The following MYOF variants were observed in gnomAD, a reference collection of about 807,000 sequenced individuals.
MYOF encodes fer-1-like 3, myoferlin.
In MYOF, 244 loss-of-function variants were observed where a neutral mutation model predicts 284.2. The observed-to-expected ratio is 0.86, with a 90% CI of 0.77 to 0.95. MYOF has a LOEUF of 0.95. Ranked by LOEUF, MYOF falls within the 40% of genes least tolerant of loss-of-function variation. MYOF has a pLI of 0.00. For missense variants in MYOF, 2,496 were observed against 2,560.6 expected (o/e 0.97, Z 0.54); for synonymous variants, 904 against 919.7 (o/e 0.98, Z 0.31).
intron 48 of MYOF, among the ~76,000 whole-genome samples, chr10:93,322,645 C>T (rs1842891480): frequency 6.6e-6 from 1 of 152,166 alleles, no homozygotes; most frequent in South Asian, 2.1e-4. Context: ...GCGAACATTT[C>T]CTCTTTTCCA....
At chr10:93,436,644 T>G (rs886232065) in intron 3 of MYOF, among the ~76,000 whole-genome samples, 1 of 152,204 alleles carries the variant, frequency 6.6e-6, no homozygotes, top group Admixed American at 6.5e-5. Flanking sequence ...TGGATAAGTC[T>G]GAGCTCTGCA....
chr10:93,374,632 T>C, intron 23 of MYOF, 131 bp downstream of exon 23: 1 of 890,814 alleles, frequency 1.1e-6, no homozygotes, highest in Non-Finnish European at 1.6e-6. Context: ...CCCTGATTTT[T>C]ACAATCTGTC....
In MYOF at chr10:93,446,735, C is replaced by CT. The variant is rs552922112; in HGVS notation, c.236+5314dup. Among the ~76,000 whole-genome samples the CT allele has an allele frequency of 8.5e-3, 1,236 of 145,542 alleles. 5 individuals are homozygous for CT. The highest frequency in any genetic ancestry group is 0.022 in the South Asian group (103 of 4,582). ...CAGAGTAACCACGTGCTCATTTGGT[C>CT]TTTTTTTTTTTTTCTCACTCCGTCA... On this transcript the variant is annotated intron_variant, in intron 3 of 53. Coordinates refer to ENST00000359263, the MANE Select transcript of MYOF (RefSeq NM_013451.4).
At chr10:93,440,687 A>G (rs1050929495) in intron 3 of MYOF, among the ~76,000 whole-genome samples, 1 of 152,200 alleles carries the variant, frequency 6.6e-6, no homozygotes, top group Admixed American at 6.5e-5. Context: ...CTGATACATC[A>G]TTGAAGATAG....
At position 93,339,702 on chromosome 10, in the gene MYOF, C is replaced by T. The variant is rs1481128070; in HGVS notation, c.4338+451G>A. Among the ~76,000 whole-genome samples, 3 of 151,058 alleles carry T rather than the reference C, an allele frequency of 2.0e-5. No individual in the cohort carries two copies. The East Asian group carries it at 5.9e-4, about 30-fold the overall frequency. On this transcript the variant is annotated intron_variant, in intron 39 of 53. Transcript: ENST00000359263. ...CAGGCTGATCTCGAACTCCTGGCCT[C>T]AAGTGATCTGCCTGCTTCAGCCTCC...
rs1488405872 is a variant in MYOF at position 93,337,681 on chromosome 10, G to C, written c.4437+134C>G. 3 of 672,474 alleles carry C rather than the reference G, an allele frequency of 4.5e-6. No homozygotes were observed. The African/African-American group carries it at 5.5e-5, about 12-fold the overall frequency. 41.7% of individuals were successfully genotyped at this position (672,474 alleles called of 1,614,324 possible). On this transcript the variant is annotated intron_variant, in intron 40 of 53. Transcript: ENST00000359263. Reference sequence around the variant, plus strand: ...GAAACTCATGCAAGAGGGCTCTCCGGGAAGACAGAGGTTTTCCTGGGCCCT... The same window carrying C: ...GAAACTCATGCAAGAGGGCTCTCCGCGAAGACAGAGGTTTTCCTGGGCCCT...
chr10:93,478,316 G>T (rs1051739213), intron 1 of MYOF: 5 of 214,038 alleles, frequency 2.3e-5, no homozygotes, highest in Non-Finnish European at 3.8e-5. Context: ...GGGCAGAATG[G>T]CCACCCCTGG....
chr10:93,418,491 A>T (rs895738698), intron 5 of MYOF, among the ~76,000 whole-genome samples: 1 of 152,232 alleles, frequency 6.6e-6, no homozygotes, highest in African/African-American at 2.4e-5. Context: ...TATGTAGACC[A>T]GAGCAAAGGT....
chr10:93,460,677 G>C (rs2056851512), intron 1 of MYOF, among the ~76,000 whole-genome samples: 2 of 148,742 alleles, frequency 1.3e-5, no homozygotes, highest in Non-Finnish European at 3.0e-5. Flanking sequence ...TGAGGCAGGA[G>C]AATTGCTTGA....
intron 21 of MYOF, among the ~76,000 whole-genome samples, chr10:93,378,193 G>T (rs1845928569): frequency 6.6e-6 from 1 of 152,214 alleles, no homozygotes; most frequent in Admixed American, 6.5e-5. Flanking sequence ...CAACAGAGAA[G>T]TTGAGGAAGA....
intron 44 of MYOF, 124 bp from the exon 45 acceptor site, chr10:93,329,035 A>C: frequency 1.1e-6 from 1 of 947,848 alleles, no homozygotes; most frequent in Non-Finnish European, 1.5e-6. Flanking sequence ...TCTGCGCTAC[A>C]CTCTGACTTT....
chr10:93,341,922 C>T (rs1383435760), intron 38 of MYOF: 87 of 1,289,638 alleles, frequency 6.7e-5, no homozygotes, highest in Middle Eastern at 2.1e-4. Flanking sequence ...CATGCACTGT[C>T]GCTGGAGAAG....
chr10:93,354,526 A>T (rs1363958755), intron 31 of MYOF, among the ~76,000 whole-genome samples: 1 of 152,236 alleles, frequency 6.6e-6, no homozygotes. Context: ...GGTCTCCAGC[A>T]GCTATAGAAA....
At chr10:93,369,045 C>T (rs1845454057) in intron 25 of MYOF, among the ~76,000 whole-genome samples, 1 of 144,840 alleles carries the variant, frequency 6.9e-6, no homozygotes, top group African/African-American at 2.6e-5. Context: ...TCATTAACTA[C>T]ATGGATTTTA....
chr10:93,471,663 C>T (rs2057148507), intron 1 of MYOF, among the ~76,000 whole-genome samples: 1 of 152,146 alleles, frequency 6.6e-6, no homozygotes. Flanking sequence ...CCAAGGTGGG[C>T]GGATCACCTG....
intron 23 of MYOF, among the ~76,000 whole-genome samples, chr10:93,373,976 C>T (rs1034017822): frequency 2.0e-5 from 3 of 152,132 alleles, no homozygotes; most frequent in Non-Finnish European, 2.9e-5. Context: ...TCATCATTTA[C>T]GTTAGGTATT....
rs559438482 is a variant in MYOF, at chr10:93,311,064, T to C, written c.5890-421A>G. On this transcript the variant is annotated intron_variant, in intron 51 of 53. Transcript: ENST00000359263. ...CATATCTCTTCATGCCTATCAATCA[T>C]TGTCACCTACTGTGCACAGTGGCTG... Among the ~76,000 whole-genome samples, 4 of 152,312 alleles carry C rather than the reference T, an allele frequency of 2.6e-5. No homozygotes were observed. In the East Asian group the frequency reaches 7.7e-4, roughly 29 times the overall value.
chr10:93,436,194 C>T (rs565469177), intron 3 of MYOF, among the ~76,000 whole-genome samples: 1 of 152,172 alleles, frequency 6.6e-6, no homozygotes, highest in African/African-American at 2.4e-5. Context: ...GCAGGCTTAC[C>T]TAAAACACAA....
rs553212035 is a variant in MYOF at position 93,412,963 on chromosome 10, T to C, written c.434-3224A>G. ...TGGCTGGGGCTGACAGCTGTTGGGT[T>C]CCTCCAAGCAGCGAAGACGAACTTC... On this transcript the variant is annotated intron_variant, in intron 5 of 53. Coordinates refer to ENST00000359263, the MANE Select transcript of MYOF (RefSeq NM_013451.4). Among the ~76,000 whole-genome samples, 9 of 152,160 alleles carry C rather than the reference T, an allele frequency of 5.9e-5. No individual in the cohort carries two copies. The South Asian group carries it at 1.9e-3, about 32-fold the overall frequency.
Sources: allele counts gnomAD v4.1 joint callset (sites outside exome capture counted in the v4.1 genomes callset), GRCh38; gene constraint gnomAD v4.1.1; transcripts MANE v1.5; gene names NCBI Gene and HGNC (gene_info 2026-07-23, HGNC 2026-07-21).